The following NUBP1 variants were observed in gnomAD, a reference collection of about 807,000 sequenced individuals.
The protein encoded by NUBP1 is NUBP iron-sulfur cluster assembly factor 1, cytosolic, also known as cytosolic Fe-S cluster assembly factor NUBP1.
Under a neutral mutation model 41.8 loss-of-function variants are expected in NUBP1, and 46 were observed. The ratio of observed to expected loss-of-function variants is 1.10; its 90% CI spans 0.87 to 1.41. NUBP1 has a LOEUF of 1.41. Ranked by LOEUF, NUBP1 falls within the 40% of genes most tolerant of loss-of-function variation. NUBP1 has a pLI of 0.00. For synonymous variants in NUBP1, 189 were observed against 154.6 expected, an observed-to-expected ratio of 1.22 and a Z score of -1.65; for missense variants, 494 against 414.0, an observed-to-expected ratio of 1.19 and a Z score of -1.68.
Position 10,747,279 on chromosome 16 carries a change from G to A in NUBP1, c.258+3G>A, listed in dbSNP as rs778247476. ...TAGCAGAGGATGAAAACACACAGGT[G>A]AGACCTCAGGAACCACTGGGAGATG... On this transcript the variant is annotated splice_donor_region_variant and intron_variant, in intron 3 of 10. Coordinates refer to ENST00000283027, the MANE Select transcript of NUBP1 (RefSeq NM_002484.4). The A allele has an allele frequency of 6.8e-6, 11 of 1,613,136 alleles. No individual in the cohort carries two copies. In the Admixed American group the frequency reaches 1.7e-4, roughly 24 times the overall value.
chr16:10,757,935 A>G lies in NUBP1; in HGVS notation c.514A>G (p.Thr172Ala). The change falls in exon 7 of 11, where the codon ACC (threonine) becomes GCC (alanine). Residue 172 changes from threonine (T) to alanine (A), a missense_variant. Thr to Ala is a moderately conservative substitution (Grantham distance 58, BLOSUM62 0). Coordinates refer to ENST00000283027, the MANE Select transcript of NUBP1 (RefSeq NM_002484.4). The surrounding 1 kb of genome is among the most constrained non-coding windows in gnomAD (Gnocchi z 4.1). ...WGEVDYLIVD[T>A]PPGTSDEHLS... ...AGAGGTCGACTACCTCATTGTGGACACCCCACCTGGGACGTCGGATGAACA... is the reference window on the plus strand; with the variant it reads ...AGAGGTCGACTACCTCATTGTGGACGCCCCACCTGGGACGTCGGATGAACA... 1 of 1,613,140 alleles carries G rather than the reference A, an allele frequency of 6.2e-7. No individual in the cohort carries two copies. The highest frequency in any genetic ancestry group is 8.5e-7 in the Non-Finnish European group (1 of 1,179,728).
At chr16:10,761,630 T>C in intron 8 of NUBP1, 127 bp from the exon 9 acceptor site, 1 of 971,120 alleles carries the variant, frequency 1.0e-6, no homozygotes, top group Non-Finnish European at 1.5e-6. Flanking sequence ...AGGAAAGTTC[T>C]TTAGGTGTTA....
In NUBP1 at chr16:10,757,886, G is replaced by A; in HGVS notation, c.465G>A (p.Gln155=). 1 of 1,613,866 alleles carries A rather than the reference G, an allele frequency of 6.2e-7. No homozygotes were observed. Among genetic ancestry groups the A allele is most frequent in the Non-Finnish European group, 8.5e-7 (1 of 1,179,784 alleles). The part of the protein sequence containing the change: ...RGPKKNGMIK[Q]FLRDVDWGEV... The stretch of plus-strand genomic sequence containing the variant: ...TCCTCTTTCTAGGCATGATCAAGCA[G>A]TTCCTCCGAGATGTGGACTGGGGAG... The change falls in exon 7 of 11, where the codon CAG becomes CAA. Residue 155 remains glutamine (Q), a synonymous_variant. Coordinates refer to ENST00000283027, the MANE Select transcript of NUBP1 (RefSeq NM_002484.4). This position sits in a 1 kb window ranked among gnomAD's most constrained non-coding sequence, Gnocchi z 4.1.
At position 10,769,197 on chromosome 16, in the gene NUBP1, G is replaced by A; in HGVS notation, c.*92G>A. The A allele has an allele frequency of 8.6e-7, 1 of 1,164,024 alleles. No homozygotes were observed. The highest frequency in any genetic ancestry group is 2.4e-5 in the East Asian group (1 of 42,226). The allele number at this position is 1,164,024 out of a possible 1,614,324, so 72.1% of individuals were successfully genotyped here. The stretch of plus-strand genomic sequence containing the variant: ...GACCCGACCAGCTCCGGGATGGGGT[G>A]GGTCACAGCAAAAGGACCAGATGCT... On this transcript the variant is annotated 3_prime_UTR_variant, in exon 11 of 11. Transcript: ENST00000283027.
intron 2 of NUBP1, among the ~76,000 whole-genome samples, chr16:10,744,291 C>G (rs1899959257): frequency 6.6e-6 from 1 of 152,050 alleles, no homozygotes. Context: ...AAGGCGAGCG[C>G]GAAGGACCTG....
At chr16:10,745,137 G>C (rs1900003893) in intron 2 of NUBP1, among the ~76,000 whole-genome samples, 1 of 151,490 alleles carries the variant, frequency 6.6e-6, no homozygotes, top group Non-Finnish European at 1.5e-5. Flanking sequence ...TTCAGCAATA[G>C]TCCTAACCTC....
intron 7 of NUBP1, chr16:10,761,042 T>A (rs974559577): frequency 6.7e-5 from 15 of 225,094 alleles, no homozygotes; most frequent in Non-Finnish European, 1.3e-4. Flanking sequence ...AGAGAGAGAG[T>A]GTGTAGGAGG....
chr16:10,751,883 C>CCCAGTTG (rs1182532158), intron 3 of NUBP1, among the ~76,000 whole-genome samples: 1 of 152,200 alleles, frequency 6.6e-6, no homozygotes, highest in African/African-American at 2.4e-5. Context: ...TGGAAAGAGC[C>CCCAGTTG]CCAGTTGGGG....
In NUBP1 at chr16:10,749,039, C is replaced by T. The variant is rs961277566; in HGVS notation, c.258+1763C>T. Among the ~76,000 whole-genome samples, 13 of 150,484 alleles carry T rather than the reference C, an allele frequency of 8.6e-5. No individual in the cohort carries two copies. The highest frequency in any genetic ancestry group is 5.3e-4 in the Admixed American group (8 of 15,018). On this transcript the variant is annotated intron_variant, in intron 3 of 10. Transcript: ENST00000283027. This position sits in a 1 kb window ranked among gnomAD's most constrained non-coding sequence, Gnocchi z 4.1. ...CCAGGAGGCGGAGGTCGCGGTGGGC[C>T]AAGATTGCCCTACTGCACTCCAGCC...
chr16:10,752,811 T>C (rs1959010855), intron 4 of NUBP1, 133 bp downstream of exon 4: 3 of 774,014 alleles, frequency 3.9e-6, no homozygotes, highest in Non-Finnish European at 6.4e-6. Context: ...TTTGTTGTTT[T>C]TGAGACAAGG....
chr16:10,754,352 C>T (rs1009298855), intron 4 of NUBP1, among the ~76,000 whole-genome samples: 1 of 152,078 alleles, frequency 6.6e-6, no homozygotes, highest in African/African-American at 2.4e-5. Context: ...AAGCAGTTCT[C>T]CTGCCTCAGC....
chr16:10,744,933 T>A (rs1899994782), intron 2 of NUBP1, among the ~76,000 whole-genome samples: 2 of 151,730 alleles, frequency 1.3e-5, no homozygotes, highest in Non-Finnish European at 1.5e-5. Context: ...AATTTTTATA[T>A]TTTTAGTAGA....
intron 7 of NUBP1, 54 bp downstream of exon 7, chr16:10,758,081 T>C (rs1356137051): frequency 2.5e-6 from 4 of 1,584,530 alleles, no homozygotes; most frequent in African/African-American, 2.7e-5. Context: ...CACTGTGAGA[T>C]TTCTTTCCTA....
Position 10,756,781 on chromosome 16 carries a change from G to A in NUBP1, c.451+1G>A. On this transcript the variant is annotated splice_donor_variant, in intron 6 of 10. Transcript: ENST00000283027. LOFTEE classifies it high-confidence loss of function. ...ATCTGGAGGGGACCCAAGAAAAACGGTTTGCCACTCTGCCTTTTTTTGTCT... is the reference window on the plus strand; with the variant it reads ...ATCTGGAGGGGACCCAAGAAAAACGATTTGCCACTCTGCCTTTTTTTGTCT... 1 of 1,590,058 alleles carries A rather than the reference G, an allele frequency of 6.3e-7. No individual in the cohort carries two copies. The highest frequency in any genetic ancestry group is 8.5e-7 in the Non-Finnish European group (1 of 1,171,058).
chr16:10,756,034 T>A (rs1567257822), intron 5 of NUBP1, among the ~76,000 whole-genome samples: 1 of 152,188 alleles, frequency 6.6e-6, no homozygotes, highest in Non-Finnish European at 1.5e-5. Context: ...CAAACACAGA[T>A]GGTGGGCCAG....
intron 2 of NUBP1, among the ~76,000 whole-genome samples, chr16:10,746,072 C>T (rs1900049239): frequency 6.6e-6 from 1 of 152,136 alleles, no homozygotes; most frequent in Non-Finnish European, 1.5e-5. Context: ...GGGCCTTTGG[C>T]CTTTTGCAGG....
At chr16:10,746,746 AAAAG>A (rs773521582) in intron 2 of NUBP1, among the ~76,000 whole-genome samples, 36 of 152,240 alleles carry the variant, frequency 2.4e-4, no homozygotes, top group African/African-American at 3.4e-4. Context: ...TCTCAAAAAA[AAAAG>A]AAAGAAAGAA....
At chr16:10,761,677 TTA>T in intron 8 of NUBP1, 78 bp from the exon 9 acceptor site, 1 of 1,189,198 alleles carries the variant, frequency 8.4e-7, no homozygotes. Flanking sequence ...TTTTTTTTTT[TTA>T]AGTTTCTTTA....
intron 2 of NUBP1, among the ~76,000 whole-genome samples, chr16:10,746,844 G>T (rs978240363): frequency 6.6e-6 from 1 of 152,202 alleles, no homozygotes; most frequent in Admixed American, 6.5e-5. Flanking sequence ...GTTCTCTTCT[G>T]GAGCTGGGAA....
Sources: gnomAD v4.1 joint callset for allele counts (sites outside exome capture counted in the v4.1 genomes callset) on GRCh38, gnomAD v4.1.1 for gene constraint, Gnocchi (gnomAD v3.1) non-coding constraint, MANE v1.5 for transcripts, NCBI Gene and HGNC (gene_info 2026-07-23, HGNC 2026-07-21) for gene names.